VWA3B: variants seen among roughly 807,000 people sequenced by gnomAD.
The protein encoded by VWA3B is von Willebrand factor A domain containing 3B.
A neutral mutation model predicts 158.3 loss-of-function variants in VWA3B; 138 were observed. The ratio of observed to expected loss-of-function variants is 0.87; its 90% CI spans 0.76 to 1.00. The LOEUF (loss-of-function observed/expected upper bound fraction) is 1.00. Among genes scored for constraint, VWA3B ranks in the 50% least tolerant of loss-of-function variants. The pLI is 0.00. For missense variants in VWA3B, 1,555 were observed against 1,565.1 expected (o/e 0.99, Z 0.11); for synonymous variants, 596 against 587.3 (o/e 1.01, Z -0.21).
At chr2:98,102,986 A>T (rs1406707436) in intron 2 of VWA3B, among the ~76,000 whole-genome samples, 1 of 152,236 alleles carries the variant, frequency 6.6e-6, no homozygotes, top group South Asian at 2.1e-4. Flanking sequence ...TCTAATATGC[A>T]CACACCAACA....
chr2:98,163,973 T>A (rs1678862206), intron 8 of VWA3B, among the ~76,000 whole-genome samples: 1 of 152,226 alleles, frequency 6.6e-6, no homozygotes, highest in Non-Finnish European at 1.5e-5. Flanking sequence ...GGAGCCTGGC[T>A]GAAGGCTGGG....
chr2:98,212,586 A>G (rs1683621557), intron 13 of VWA3B, among the ~76,000 whole-genome samples: 1 of 152,254 alleles, frequency 6.6e-6, no homozygotes, highest in African/African-American at 2.4e-5. Context: ...TTAAATAAAT[A>G]GAAGGATTTT....
intron 7 of VWA3B, among the ~76,000 whole-genome samples, chr2:98,154,677 G>A (rs1265917154): frequency 1.3e-5 from 2 of 152,182 alleles, no homozygotes; most frequent in Non-Finnish European, 2.9e-5. Flanking sequence ...GAATTGTACT[G>A]AAATAATCAA....
rs796912728 is a variant in VWA3B at position 98,106,158 on chromosome 2, G to A, written c.197-9494G>A. Among the ~76,000 whole-genome samples the A allele has an allele frequency of 3.2e-4, 49 of 151,994 alleles. 1 individual carries two copies. The highest frequency in any genetic ancestry group is 1.0e-3 in the African/African-American group (42 of 41,456). ...TCTCGATCTCCTGACCTCATGATCC[G>A]CCCACCTCGGCCTCCCAAAGTGCTG... is the stretch of plus-strand genomic sequence containing the variant. On this transcript the variant is annotated intron_variant, in intron 2 of 27. Transcript: ENST00000477737.
intron 2 of VWA3B, among the ~76,000 whole-genome samples, chr2:98,113,828 C>A (rs1473119968): frequency 2.0e-5 from 3 of 152,172 alleles, no homozygotes; most frequent in Non-Finnish European, 4.4e-5. Flanking sequence ...CATGTTGTAA[C>A]CAGCACCAAT....
chr2:98,312,122 CA>C, intron 27 of VWA3B, 77 bp from the exon 28 acceptor site: 1 of 1,613,660 alleles, frequency 6.2e-7, no homozygotes. Flanking sequence ...CATCGTCCTT[CA>C]GATTCTGGGC....
chr2:98,093,902 C>G (rs1421961116), intron 2 of VWA3B, among the ~76,000 whole-genome samples: 1 of 152,146 alleles, frequency 6.6e-6, no homozygotes, highest in Non-Finnish European at 1.5e-5. Context: ...TGTTTGTCTT[C>G]CTGTGCCTTG....
chr2:98,301,464 C>A (rs1216265178), intron 25 of VWA3B, among the ~76,000 whole-genome samples: 1 of 152,104 alleles, frequency 6.6e-6, no homozygotes, highest in African/African-American at 2.4e-5. Context: ...TCTATGTATA[C>A]CCTACAGGGT....
intron 9 of VWA3B, among the ~76,000 whole-genome samples, chr2:98,187,658 C>CTGTGTGTGTGTGTGTG (rs1389987333): frequency 1.8e-3 from 200 of 109,904 alleles, no homozygotes; most frequent in African/African-American, 7.1e-3. Context: ...CTCTCCGTCT[C>CTGTGTGTGTGTGTGTG]TGTGTCTGTG....
At chr2:98,142,893 G>C (rs916851313) in intron 7 of VWA3B, among the ~76,000 whole-genome samples, 1 of 152,160 alleles carries the variant, frequency 6.6e-6, no homozygotes, top group Non-Finnish European at 1.5e-5. Context: ...GGAATGGAGC[G>C]AGTCCAAATT....
chr2:98,098,801 C>T (rs1016151215), intron 2 of VWA3B, among the ~76,000 whole-genome samples: 1 of 151,874 alleles, frequency 6.6e-6, no homozygotes, highest in Non-Finnish European at 1.5e-5. Flanking sequence ...CTTACTCTTT[C>T]TTTGTGATTA....
At chr2:98,292,539 A>G (rs62155286) in intron 23 of VWA3B, among the ~76,000 whole-genome samples, 5,921 of 152,218 alleles carry the variant, frequency 0.039, 167 homozygotes, top group Middle Eastern at 0.075. Context: ...AGGGCTGGGA[A>G]TCTTCCATTT....
intron 2 of VWA3B, among the ~76,000 whole-genome samples, chr2:98,110,537 G>A (rs1329995380): frequency 2.0e-5 from 3 of 151,682 alleles, no homozygotes; most frequent in Non-Finnish European, 4.4e-5. Flanking sequence ...TAATCTTCCT[G>A]GTTTTTTGAA....
intron 8 of VWA3B, among the ~76,000 whole-genome samples, chr2:98,178,192 T>A (rs1004134405): frequency 6.6e-6 from 1 of 152,076 alleles, no homozygotes; most frequent in African/African-American, 2.4e-5. Context: ...CTGAGAAGCC[T>A]CTGGCTTGAG....
At chr2:98,131,738 G>A (rs1675886565) in intron 6 of VWA3B, among the ~76,000 whole-genome samples, 1 of 152,154 alleles carries the variant, frequency 6.6e-6, no homozygotes, top group Non-Finnish European at 1.5e-5. Context: ...CACCTTGCCG[G>A]CTCATTCCAC....
intron 16 of VWA3B, among the ~76,000 whole-genome samples, chr2:98,233,437 G>A (rs534431303): frequency 6.6e-6 from 1 of 152,248 alleles, no homozygotes; most frequent in South Asian, 2.1e-4. Context: ...TTTGGCTCAC[G>A]TAAATCTGAT....
At chr2:98,306,946 T>A (rs146662722) in intron 26 of VWA3B, among the ~76,000 whole-genome samples, 1 of 152,180 alleles carries the variant, frequency 6.6e-6, no homozygotes, top group African/African-American at 2.4e-5. Flanking sequence ...CCTACTAAGT[T>A]CAGAGCTTAA....
intron 20 of VWA3B, among the ~76,000 whole-genome samples, chr2:98,253,444 G>A (rs1236254917): frequency 1.3e-5 from 2 of 152,134 alleles, no homozygotes; most frequent in East Asian, 3.8e-4. Flanking sequence ...TAAGAACCGA[G>A]GCAGCAATTT....
intron 7 of VWA3B, among the ~76,000 whole-genome samples, chr2:98,145,756 G>A (rs1289937012): frequency 1.3e-5 from 2 of 150,442 alleles, no homozygotes; most frequent in East Asian, 3.9e-4. Flanking sequence ...TTCTCACTCT[G>A]TTGCCTAGGC....
Sources: gnomAD v4.1 joint callset for allele counts (sites outside exome capture counted in the v4.1 genomes callset) on GRCh38, gnomAD v4.1.1 for gene constraint, MANE v1.5 for transcripts, NCBI Gene and HGNC (gene_info 2026-07-23, HGNC 2026-07-21) for gene names.